TRAK2: variants seen among roughly 807,000 people sequenced by gnomAD.
The protein encoded by TRAK2 is trafficking kinesin-binding protein 2.
TRAK2 carries 81 observed loss-of-function variants against 104.6 expected under a neutral mutation model. That is an observed-to-expected ratio of 0.77 (90% CI 0.65 to 0.93). The LOEUF is 0.93. Among genes scored for constraint, TRAK2 ranks in the 40% least tolerant of loss-of-function variants. TRAK2 has a pLI of 0.00. For missense variants in TRAK2, 1,002 were observed against 1,089.0 expected (o/e 0.92, Z 1.12); for synonymous variants, 406 against 394.4 (o/e 1.03, Z -0.35).
chr2:201,405,122 T>C (rs1951582535), intron 3 of TRAK2, among the ~76,000 whole-genome samples: 1 of 152,212 alleles, frequency 6.6e-6, no homozygotes, highest in South Asian at 2.1e-4. Context: ...TCTTAGGGTG[T>C]ATAGCTTAAT....
At chr2:201,422,896 G>A (rs978790353) in intron 1 of TRAK2, among the ~76,000 whole-genome samples, 3 of 151,796 alleles carry the variant, frequency 2.0e-5, no homozygotes, top group South Asian at 4.2e-4. Flanking sequence ...ATTGGCATGG[G>A]GTTTCCATTT....
chr2:201,384,457 G>A (rs1466856987), intron 14 of TRAK2, among the ~76,000 whole-genome samples: 1 of 151,436 alleles, frequency 6.6e-6, no homozygotes, highest in East Asian at 1.9e-4. Flanking sequence ...TTAGAAATGA[G>A]AAAACTGAAA....
Position 201,380,206 on chromosome 2 carries a change from T to C in TRAK2, c.*337A>G, listed in dbSNP as rs1200031099. The C allele has an allele frequency of 3.4e-6, 1 of 291,030 alleles. No individual in the cohort carries two copies. The highest frequency in any genetic ancestry group is 2.1e-5 in the African/African-American group (1 of 46,540). 18.0% of individuals were successfully genotyped at this position (291,030 alleles called of 1,614,324 possible). Reference sequence around the variant, plus strand: ...GCTTTATGCTTACCAGAAGTAAATGTGCCAGCAAGTTCAGTATCTCTGTAT... The same window carrying C: ...GCTTTATGCTTACCAGAAGTAAATGCGCCAGCAAGTTCAGTATCTCTGTAT... On this transcript the variant is annotated 3_prime_UTR_variant, in exon 16 of 16. Coordinates refer to ENST00000332624, the MANE Select transcript of TRAK2 (RefSeq NM_015049.3).
At chr2:201,434,754 C>G (rs1388018452) in intron 1 of TRAK2, among the ~76,000 whole-genome samples, 1 of 152,078 alleles carries the variant, frequency 6.6e-6, no homozygotes, top group Non-Finnish European at 1.5e-5. Flanking sequence ...GCTTGATGTC[C>G]CAGAGTGACA....
chr2:201,397,757 G>A, intron 6 of TRAK2, 177 bp from the exon 7 acceptor site: 1 of 565,894 alleles, frequency 1.8e-6, no homozygotes, highest in East Asian at 2.8e-5. Flanking sequence ...AATGATCCTT[G>A]CTTAAGTAGG....
At chr2:201,412,001 G>C in intron 2 of TRAK2, 1 of 981,718 alleles carries the variant, frequency 1.0e-6, no homozygotes, top group Non-Finnish European at 1.7e-6. Flanking sequence ...CTCATTGGGA[G>C]GGGTTTTGGT....
chr2:201,450,795 G>T (rs1311786837), intron 1 of TRAK2, among the ~76,000 whole-genome samples: 1 of 150,444 alleles, frequency 6.6e-6, no homozygotes, highest in East Asian at 2.0e-4. Flanking sequence ...TTTTTAAGTT[G>T]AAATTCAATT....
At chr2:201,411,094 T>G (rs1468603238) in intron 2 of TRAK2, 3 of 1,080,222 alleles carry the variant, frequency 2.8e-6, no homozygotes, top group East Asian at 2.4e-5. Flanking sequence ...GGAACAGAAG[T>G]GAACGTACTT....
chr2:201,414,753 A>G (rs568206003), intron 2 of TRAK2, among the ~76,000 whole-genome samples: 1 of 152,206 alleles, frequency 6.6e-6, no homozygotes, highest in South Asian at 2.1e-4. Context: ...CATATATTAC[A>G]TAGAGATTGT....
intron 2 of TRAK2, among the ~76,000 whole-genome samples, chr2:201,408,344 G>T (rs1951614813): frequency 6.6e-6 from 1 of 151,288 alleles, no homozygotes. Flanking sequence ...TTTATTTTAG[G>T]TTCAGGGGTC....
At chr2:201,399,211 T>C (rs1576513647) in intron 5 of TRAK2, among the ~76,000 whole-genome samples, 166 bp downstream of exon 5, 1 of 152,264 alleles carries the variant, frequency 6.6e-6, no homozygotes, top group East Asian at 1.9e-4. Flanking sequence ...CTCTGTACAA[T>C]TAACATTTAA....
chr2:201,410,903 G>A (rs894243769), intron 2 of TRAK2: 1 of 1,585,302 alleles, frequency 6.3e-7, no homozygotes, highest in Non-Finnish European at 8.7e-7. Context: ...AAAGTGGGAG[G>A]TGTTCCAGAG....
At chr2:201,442,844 T>C (rs972777849) in intron 1 of TRAK2, among the ~76,000 whole-genome samples, 2 of 152,190 alleles carry the variant, frequency 1.3e-5, no homozygotes, top group African/African-American at 4.8e-5. Flanking sequence ...GTATTCCTCT[T>C]AGAGAAAGAA....
chr2:201,435,404 C>T (rs1951873844), intron 1 of TRAK2, among the ~76,000 whole-genome samples: 1 of 152,206 alleles, frequency 6.6e-6, no homozygotes, highest in Non-Finnish European at 1.5e-5. Flanking sequence ...TAAACTCTAC[C>T]TGAAATTCTG....
chr2:201,442,056 A>G (rs968990889), intron 1 of TRAK2, among the ~76,000 whole-genome samples: 1 of 151,544 alleles, frequency 6.6e-6, no homozygotes, highest in Non-Finnish European at 1.5e-5. Context: ...TGGCCTGAAT[A>G]ACCCCAAAGA....
intron 1 of TRAK2, among the ~76,000 whole-genome samples, chr2:201,441,552 G>C (rs1951923198): frequency 6.6e-6 from 1 of 152,154 alleles, no homozygotes; most frequent in Admixed American, 6.5e-5. Flanking sequence ...AGAAAGTTAA[G>C]AATGGTTGAA....
In TRAK2 at chr2:201,407,428, A is replaced by G. The variant is rs1951604029; in HGVS notation, c.261T>C (p.Leu87=). The G allele has an allele frequency of 5.0e-6, 8 of 1,613,738 alleles. No homozygotes were observed. Among genetic ancestry groups the G allele is most frequent in the Non-Finnish European group, 6.8e-6 (8 of 1,179,880 alleles). The part of the protein sequence containing the change: ...QHASDALSPV[L]AEETFRYMIL... ...TCATGTAACGGAAAGTCTCTTCAGC[A>G]AGGACTGGAGAGAGAGCATCAGATG... Residue 87 remains leucine, a synonymous_variant, in exon 3 of 16, where the codon CTT becomes CTC. Transcript: ENST00000332624.
chr2:201,428,885 T>A (rs1369707477), intron 1 of TRAK2, among the ~76,000 whole-genome samples: 1 of 151,598 alleles, frequency 6.6e-6, no homozygotes, highest in Non-Finnish European at 1.5e-5. Flanking sequence ...GTCCTTCACA[T>A]CCCTTGTAAG....
chr2:201,397,425 G>T, intron 7 of TRAK2, 77 bp downstream of exon 7: 1 of 954,628 alleles, frequency 1.0e-6, no homozygotes, highest in South Asian at 1.7e-5. Flanking sequence ...TGAAACCAGT[G>T]ATCTAACTTC....
Sources: allele counts gnomAD v4.1 joint callset (sites outside exome capture counted in the v4.1 genomes callset), GRCh38; gene constraint gnomAD v4.1.1; transcripts MANE v1.5; gene names NCBI Gene and HGNC (gene_info 2026-07-23, HGNC 2026-07-21).